PARD3B: variants seen among roughly 807,000 people sequenced by gnomAD.
PARD3B encodes the protein par-3 family cell polarity regulator beta, also known as partitioning defective 3 homolog B.
A neutral mutation model predicts 130.2 loss-of-function variants in PARD3B; 103 were observed. That is an observed-to-expected ratio of 0.79 (90% CI 0.67 to 0.93). PARD3B has a LOEUF of 0.93. Ranked by LOEUF, PARD3B falls within the 40% of genes least tolerant of loss-of-function variation. PARD3B has a pLI of 0.00. For missense variants in PARD3B, 1,609 were observed against 1,499.2 expected, an observed-to-expected ratio of 1.07 and a Z score of -1.21; for synonymous variants, 583 against 553.2, an observed-to-expected ratio of 1.05 and a Z score of -0.76.
At chr2:204,836,479 A>T (rs532884031) in intron 2 of PARD3B, among the ~76,000 whole-genome samples, 3 of 152,254 alleles carry the variant, frequency 2.0e-5, no homozygotes, top group African/African-American at 7.2e-5. Flanking sequence ...CCTGGGCAAC[A>T]TGGCAAAACC....
At chr2:204,699,928 T>C (rs891498702) in intron 2 of PARD3B, among the ~76,000 whole-genome samples, 3 of 152,136 alleles carry the variant, frequency 2.0e-5, no homozygotes, top group African/African-American at 4.8e-5. Context: ...ACTGGCCAAG[T>C]TAATTTTAAA....
intron 2 of PARD3B, among the ~76,000 whole-genome samples, chr2:204,752,538 A>C (rs888884413): frequency 6.6e-6 from 1 of 152,156 alleles, no homozygotes; most frequent in African/African-American, 2.4e-5. Context: ...GTGAAACCCA[A>C]CTTATTTTCA....
intron 3 of PARD3B, among the ~76,000 whole-genome samples, chr2:204,997,202 G>C (rs1325259135): frequency 6.6e-6 from 1 of 152,154 alleles, no homozygotes; most frequent in Non-Finnish European, 1.5e-5. Context: ...GTTGTTCACA[G>C]CCAAGAATGG....
At chr2:204,686,996 G>A (rs1328810009) in intron 2 of PARD3B, among the ~76,000 whole-genome samples, 4 of 152,098 alleles carry the variant, frequency 2.6e-5, no homozygotes, top group Non-Finnish European at 4.4e-5. Flanking sequence ...TTCCAAAACC[G>A]AACTCTGTCA....
chr2:205,096,679 A>T (rs534997585), intron 4 of PARD3B, among the ~76,000 whole-genome samples: 1 of 152,324 alleles, frequency 6.6e-6, no homozygotes. Flanking sequence ...GTGAATGTGC[A>T]TGAGCACCCT....
intron 2 of PARD3B, among the ~76,000 whole-genome samples, chr2:204,740,297 C>G (rs116457546): frequency 0.028 from 4,189 of 152,172 alleles, 183 homozygotes; most frequent in African/African-American, 0.096. Flanking sequence ...GCTGGAATTA[C>G]AAGTGTGAGC....
At chr2:205,226,067 A>T (rs893718002) in intron 15 of PARD3B, among the ~76,000 whole-genome samples, 2 of 152,096 alleles carry the variant, frequency 1.3e-5, no homozygotes, top group African/African-American at 4.8e-5. Context: ...CGATCTCAAG[A>T]GTCTCGTTGT....
chr2:205,324,425 A>C (rs187477208), intron 18 of PARD3B, among the ~76,000 whole-genome samples: 1 of 152,184 alleles, frequency 6.6e-6, no homozygotes. Context: ...TACTTCTTTA[A>C]AAACAAGGAT....
intron 20 of PARD3B, among the ~76,000 whole-genome samples, chr2:205,477,176 C>T: frequency 6.6e-6 from 1 of 152,156 alleles, no homozygotes; most frequent in East Asian, 1.9e-4. Flanking sequence ...TCCAGTCCCA[C>T]TTTATATAAC....
chr2:204,713,637 C>A (rs1379771887), intron 2 of PARD3B, among the ~76,000 whole-genome samples: 1 of 152,068 alleles, frequency 6.6e-6, no homozygotes, highest in Admixed American at 6.6e-5. Flanking sequence ...CTAAGTACCT[C>A]ATATAAGTGG....
At chr2:205,020,595 A>G (rs1239196274) in intron 3 of PARD3B, among the ~76,000 whole-genome samples, 2 of 152,156 alleles carry the variant, frequency 1.3e-5, no homozygotes, top group Non-Finnish European at 2.9e-5. Flanking sequence ...TGATATTTTA[A>G]GTTTACATTC....
At chr2:205,383,101 T>TAGAG (rs2045519236) in intron 18 of PARD3B, among the ~76,000 whole-genome samples, 4 of 132,344 alleles carry the variant, frequency 3.0e-5, no homozygotes, top group Non-Finnish European at 6.8e-5. Context: ...GATAGATAGA[T>TAGAG]AGATAGATAG....
intron 7 of PARD3B, 125 bp downstream of exon 7, chr2:205,119,171 A>T (rs1457489308): frequency 7.8e-7 from 1 of 1,277,450 alleles, no homozygotes; most frequent in Non-Finnish European, 1.0e-6. Flanking sequence ...ACGATCCAGG[A>T]TATCCATTTT....
chr2:205,516,269 G>A (rs1035974761), intron 21 of PARD3B, among the ~76,000 whole-genome samples: 2 of 152,036 alleles, frequency 1.3e-5, no homozygotes, highest in African/African-American at 4.8e-5. Context: ...GATTGCCTTT[G>A]CTATTTGGTC....
At position 204,966,728 on chromosome 2, in the gene PARD3B, G is replaced by A. The variant is rs185704135; in HGVS notation, c.394+1405G>A. Among the ~76,000 whole-genome samples the A allele has an allele frequency of 2.9e-4, 44 of 151,664 alleles. 1 individual carries two copies. The East Asian group carries it at 8.5e-3, about 29-fold the overall frequency. ...TGGAATATTGAAACAACATAATATC[G>A]AATGCAAGAAAAAAAAGTCAGCCGA... On this transcript the variant is annotated intron_variant, in intron 3 of 22. Coordinates refer to ENST00000406610, the MANE Select transcript of PARD3B (RefSeq NM_001302769.2).
At chr2:204,635,097 T>C (rs2034825983) in intron 1 of PARD3B, among the ~76,000 whole-genome samples, 1 of 152,206 alleles carries the variant, frequency 6.6e-6, no homozygotes, top group South Asian at 2.1e-4. Context: ...TGGGGGCTTA[T>C]CAATTATTCC....
At chr2:204,749,029 A>G (rs1463630189) in intron 2 of PARD3B, among the ~76,000 whole-genome samples, 1 of 152,106 alleles carries the variant, frequency 6.6e-6, no homozygotes, top group East Asian at 1.9e-4. Context: ...AAAATTTTAT[A>G]TAACCTGTCT....
chr2:205,275,623 G>GTA (rs2040911960), intron 16 of PARD3B, among the ~76,000 whole-genome samples: 4 of 151,824 alleles, frequency 2.6e-5, no homozygotes, highest in Admixed American at 1.3e-4. Flanking sequence ...ATCAGCTGAC[G>GTA]TCAGAAGTTC....
chr2:204,572,896 A>G (rs2032075406), intron 1 of PARD3B, among the ~76,000 whole-genome samples: 1 of 152,222 alleles, frequency 6.6e-6, no homozygotes, highest in Non-Finnish European at 1.5e-5. Context: ...ATAAAGCACC[A>G]TGTCTCAGAG....
Sources: allele counts gnomAD v4.1 joint callset (sites outside exome capture counted in the v4.1 genomes callset), GRCh38; gene constraint gnomAD v4.1.1; transcripts MANE v1.5; gene names NCBI Gene and HGNC (gene_info 2026-07-23, HGNC 2026-07-21).